SHC4: variants seen among roughly 807,000 people sequenced by gnomAD.
SHC4 encodes SHC adaptor protein 4.
SHC4 carries 41 observed loss-of-function variants against 69.4 expected under a neutral mutation model. That is an observed-to-expected ratio of 0.59 (90% confidence interval 0.46 to 0.77). The LOEUF (loss-of-function observed/expected upper bound fraction) is 0.77. SHC4 is among the 30% of genes least tolerant of loss of function. The probability of loss-of-function intolerance (pLI) is 0.00; values close to 1 mark genes in which losing one functional copy is unlikely to be tolerated. For missense variants in SHC4, 777 were observed against 783.8 expected (o/e 0.99, Z 0.10); for synonymous variants, 318 against 299.3 (o/e 1.06, Z -0.64).
intron 11 of SHC4, among the ~76,000 whole-genome samples, chr15:48,827,550 C>CTGCCTCCA (rs1567046516): frequency 1.3e-5 from 2 of 151,744 alleles, no homozygotes; most frequent in African/African-American, 2.4e-5. Context: ...CTTTGTATTT[C>CTGCCTCCA]TTCTGCCTCA....
intron 2 of SHC4, among the ~76,000 whole-genome samples, chr15:48,902,590 T>C (rs543774277): frequency 5.3e-5 from 8 of 152,222 alleles, no homozygotes; most frequent in Admixed American, 1.3e-4. Flanking sequence ...CTGAGTTCCT[T>C]ACACAGAAAT....
intron 2 of SHC4, among the ~76,000 whole-genome samples, chr15:48,892,466 A>G (rs1900153878): frequency 6.6e-6 from 1 of 152,098 alleles, no homozygotes. Flanking sequence ...GGAGTCAAAT[A>G]GAAGGATAAC....
intron 4 of SHC4, chr15:48,878,412 C>A (rs1423643170): frequency 1.2e-6 from 2 of 1,612,012 alleles, no homozygotes; most frequent in South Asian, 2.2e-5. Flanking sequence ...GCTAACGGGC[C>A]CAACGCTGGG....
At chr15:48,849,452 G>A (rs1343471563) in intron 9 of SHC4, among the ~76,000 whole-genome samples, 1 of 152,180 alleles carries the variant, frequency 6.6e-6, no homozygotes, top group East Asian at 1.9e-4. Context: ...TTTGTTTAAG[G>A]TGTGTCTTCC....
chr15:48,924,960 A>G lies in SHC4; in HGVS notation c.586-11T>C, dbSNP rs1900823644. 3.7e-6 allele frequency: 6 copies of G among 1,613,682 alleles called. No homozygotes were observed. Among genetic ancestry groups the G allele is most frequent in the Non-Finnish European group, 5.1e-6 (6 of 1,179,876 alleles). On this transcript the variant is annotated splice_polypyrimidine_tract_variant and intron_variant, in intron 1 of 11. Coordinates refer to ENST00000332408, the MANE Select transcript of SHC4 (RefSeq NM_203349.4). Reference sequence around the variant, plus strand: ...AACACAGCCCATGTACTACAATAAGAAGAAAAAAAAGAAGAAGTAGGACAA... The same window carrying G: ...AACACAGCCCATGTACTACAATAAGGAGAAAAAAAAGAAGAAGTAGGACAA...
chr15:48,826,608 A>C (rs944864562), intron 11 of SHC4, among the ~76,000 whole-genome samples: 2 of 152,180 alleles, frequency 1.3e-5, no homozygotes, highest in African/African-American at 2.4e-5. Context: ...AGTTAGGAAA[A>C]TGGTAGGCAC....
intron 2 of SHC4, among the ~76,000 whole-genome samples, chr15:48,921,950 AAC>A (rs967236783): frequency 2.2e-4 from 34 of 152,314 alleles, no homozygotes; most frequent in African/African-American, 7.5e-4. Context: ...ATGGATTTAA[AAC>A]ACAGACTGTT....
At position 48,878,317 on chromosome 15, in the gene SHC4, C is replaced by T. The variant is rs375455351; in HGVS notation, c.840+5931G>A. The T allele has an allele frequency of 3.6e-5, 58 of 1,613,428 alleles. No homozygotes were observed. In the African/African-American group the frequency reaches 6.8e-4, roughly 19 times the overall value. On this transcript the variant is annotated intron_variant, in intron 4 of 11. Coordinates refer to ENST00000332408, the MANE Select transcript of SHC4 (RefSeq NM_203349.4). ...AGCTATCCCTGCGTCCCTCCCGCAGCGGGGCCCAACAGCTCGAGGAGGAAG... is the reference window on the plus strand; with the variant it reads ...AGCTATCCCTGCGTCCCTCCCGCAGTGGGGCCCAACAGCTCGAGGAGGAAG...
At chr15:48,847,327 T>C (rs900760150) in intron 9 of SHC4, among the ~76,000 whole-genome samples, 4 of 152,182 alleles carry the variant, frequency 2.6e-5, no homozygotes, top group Non-Finnish European at 5.9e-5. Flanking sequence ...CTTAATGTCT[T>C]TTTGATTAAA....
intron 9 of SHC4, among the ~76,000 whole-genome samples, chr15:48,846,783 C>T (rs1899101556): frequency 6.6e-6 from 1 of 152,154 alleles, no homozygotes; most frequent in Non-Finnish European, 1.5e-5. Context: ...TCCAATCTTC[C>T]TTTGTTGGCA....
In SHC4 at chr15:48,851,194, C is replaced by T. The variant is rs372837256; in HGVS notation, c.1297G>A (p.Ala433Thr). The part of the protein sequence containing the change: ...VYENCLEQSR[A>T]IGNVHPRGVQ... The stretch of plus-strand genomic sequence containing the variant: ...AGAAGGGCATTGTACCTACCTATTG[C>T]CCTGCTTTGTTCTAAACAGTTCTCA... The change falls in exon 9 of 12, where the codon GCA becomes ACA. Residue 433 changes from alanine (A) to threonine (T), a missense_variant. Ala to Thr is a moderately conservative substitution (Grantham distance 58). Transcript: ENST00000332408. 1.9e-6 allele frequency: 3 copies of T among 1,613,966 alleles called. No individual in the cohort carries two copies. Among genetic ancestry groups the T allele is most frequent in the Non-Finnish European group, 2.5e-6 (3 of 1,179,914 alleles).
At position 48,857,831 on chromosome 15, in the gene SHC4, C is replaced by T. The variant is rs374774898; in HGVS notation, c.947-16G>A. ...ATGTGACAGGCTGCAAGAGGACATACAAAAAATAATATTATAATAAATTTT... is the reference window on the plus strand; with the variant it reads ...ATGTGACAGGCTGCAAGAGGACATATAAAAAATAATATTATAATAAATTTT... On this transcript the variant is annotated splice_polypyrimidine_tract_variant and intron_variant, in intron 6 of 11. Transcript: ENST00000332408. The T allele has an allele frequency of 3.4e-6, 5 of 1,486,812 alleles. No homozygotes were observed. Among genetic ancestry groups the T allele is most frequent in the Admixed American group, 4.6e-5 (2 of 43,232 alleles). The allele number at this position is 1,486,812 out of a possible 1,614,324, so 92.1% of individuals were successfully genotyped here. A position where few individuals can be genotyped will look rare whatever the true frequency, so the allele number is the denominator to read the frequency against.
At chr15:48,898,607 G>C (rs767236175) in intron 2 of SHC4, among the ~76,000 whole-genome samples, 1 of 152,216 alleles carries the variant, frequency 6.6e-6, no homozygotes, top group Non-Finnish European at 1.5e-5. Flanking sequence ...TCGTGATTCT[G>C]CCCTTTGGCT....
At chr15:48,828,514 C>T (rs536231647) in intron 11 of SHC4, among the ~76,000 whole-genome samples, 1 of 152,160 alleles carries the variant, frequency 6.6e-6, no homozygotes, top group East Asian at 1.9e-4. Flanking sequence ...TGGATAATTA[C>T]CCAGAAGTGA....
At chr15:48,931,413 A>C (rs1246135351) in intron 1 of SHC4, among the ~76,000 whole-genome samples, 1 of 152,172 alleles carries the variant, frequency 6.6e-6, no homozygotes, top group Non-Finnish European at 1.5e-5. Context: ...TGCATCTCAA[A>C]TTCAATACAT....
chr15:48,937,102 C>T (rs1398717797), intron 1 of SHC4, among the ~76,000 whole-genome samples: 1 of 152,198 alleles, frequency 6.6e-6, no homozygotes, highest in Non-Finnish European at 1.5e-5. Flanking sequence ...AAAAGTTGTG[C>T]TATGTGATTC....
chr15:48,867,877 A>G lies in SHC4; in HGVS notation c.895-8T>C. On this transcript the variant is annotated splice_region_variant and splice_polypyrimidine_tract_variant and intron_variant, in intron 5 of 11. Transcript: ENST00000332408. The stretch of plus-strand genomic sequence containing the variant: ...AACATAGTCTGTAGTATCCTATAAA[A>G]AAGGGAAAATGACTGTATTTAAAAT... 5 of 1,610,542 alleles carry G rather than the reference A, an allele frequency of 3.1e-6. No individual in the cohort carries two copies. The highest frequency in any genetic ancestry group is 4.2e-6 in the Non-Finnish European group (5 of 1,177,444).
chr15:48,868,518 A>G (rs2140991231), intron 5 of SHC4, among the ~76,000 whole-genome samples: 1 of 152,368 alleles, frequency 6.6e-6, no homozygotes, highest in East Asian at 1.9e-4. Flanking sequence ...CAAACCAACA[A>G]AACGCTACTT....
chr15:48,852,943 T>A (rs985704792), intron 8 of SHC4, among the ~76,000 whole-genome samples: 2 of 140,642 alleles, frequency 1.4e-5, no homozygotes, highest in African/African-American at 5.1e-5. Flanking sequence ...AATAAATAAA[T>A]AAAATAAAAA....
Sources: allele counts gnomAD v4.1 joint callset (sites outside exome capture counted in the v4.1 genomes callset), GRCh38; gene constraint gnomAD v4.1.1; transcripts MANE v1.5; gene names NCBI Gene and HGNC (gene_info 2026-07-23, HGNC 2026-07-21).